The following PCDHAC1 variants were observed in gnomAD, a reference collection of about 807,000 sequenced individuals.
PCDHAC1 encodes protocadherin alpha-C1.
A neutral mutation model predicts 60.0 loss-of-function variants in PCDHAC1; 42 were observed. The ratio of observed to expected loss-of-function variants is 0.70; its 90% CI spans 0.55 to 0.90. The LOEUF is 0.90. Ranked by LOEUF, PCDHAC1 falls within the 40% of genes least tolerant of loss-of-function variation. PCDHAC1 has a pLI of 0.00. For synonymous variants in PCDHAC1, 468 were observed against 499.3 expected (o/e 0.94, Z 0.84); for missense variants, 1,160 against 1,222.3 (o/e 0.95, Z 0.76).
chr5:140,966,166 C>T (rs1159533172), intron 1 of PCDHAC1: 1 of 179,138 alleles, frequency 5.6e-6, no homozygotes, highest in Non-Finnish European at 1.2e-5. Flanking sequence ...GAGATCTTTT[C>T]CTGGGGAGCT....
intron 2 of PCDHAC1, among the ~76,000 whole-genome samples, chr5:140,979,323 T>C (rs2096844622): frequency 6.6e-6 from 1 of 152,180 alleles, no homozygotes; most frequent in Non-Finnish European, 1.5e-5. Context: ...TATGCTTTCT[T>C]TTCCTCCTTT....
chr5:140,993,397 T>C (rs2097553822), intron 3 of PCDHAC1, among the ~76,000 whole-genome samples: 2 of 151,682 alleles, frequency 1.3e-5, no homozygotes, highest in Admixed American at 1.3e-4. Context: ...ACTCCATCAT[T>C]AACCACCTTC....
intron 3 of PCDHAC1, among the ~76,000 whole-genome samples, chr5:140,999,809 CAA>C (rs1350603380): frequency 1.3e-5 from 2 of 152,160 alleles, no homozygotes; most frequent in African/African-American, 2.4e-5. Flanking sequence ...GGGCACAAAG[CAA>C]GAGCTGTGGC....
At chr5:140,974,151 G>A (rs2096617637) in intron 1 of PCDHAC1, among the ~76,000 whole-genome samples, 1 of 152,118 alleles carries the variant, frequency 6.6e-6, no homozygotes, top group Non-Finnish European at 1.5e-5. Context: ...ACTATACAAG[G>A]GTTTTTCTTT....
At chr5:140,973,665 T>C (rs1309458037) in intron 1 of PCDHAC1, among the ~76,000 whole-genome samples, 2 of 152,248 alleles carry the variant, frequency 1.3e-5, no homozygotes, top group Non-Finnish European at 2.9e-5. Context: ...CTATTTATTG[T>C]AGCTTGAATG....
At position 140,926,959 on chromosome 5, in the gene PCDHAC1, G is replaced by C. The variant is rs781794027; in HGVS notation, c.67G>C (p.Glu23Gln). ...VSCGAAAGQL[E>Q]YSVPEETERG... ...CTGCGGCGCTGCAGCGGGACAGCTCGAGTACTCAGTGCCGGAGGAGACGGA... is the reference window on the plus strand; with the variant it reads ...CTGCGGCGCTGCAGCGGGACAGCTCCAGTACTCAGTGCCGGAGGAGACGGA... Residue 23 changes from glutamate (E) to glutamine (Q), a missense_variant, in exon 1 of 4, where the codon GAG becomes CAG. Physicochemically the swap from Glu to Gln is conservative, Grantham distance 29 (BLOSUM62 2). Transcript: ENST00000253807. 1.4e-5 allele frequency: 23 copies of C among 1,603,904 alleles called. No homozygotes were observed. Among genetic ancestry groups the C allele is most frequent in the Non-Finnish European group, 1.9e-5 (22 of 1,173,348 alleles).
At chr5:140,981,665 CCTTT>C (rs1170982670) in intron 2 of PCDHAC1, among the ~76,000 whole-genome samples, 2 of 152,092 alleles carry the variant, frequency 1.3e-5, no homozygotes, top group Non-Finnish European at 2.9e-5. Flanking sequence ...TTTCTTCCTT[CCTTT>C]CTTCCTTCCT....
intron 1 of PCDHAC1, among the ~76,000 whole-genome samples, chr5:140,945,046 A>T (rs2093731107): frequency 6.6e-6 from 1 of 152,192 alleles, no homozygotes; most frequent in Non-Finnish European, 1.5e-5. Flanking sequence ...TTGGTCTTAT[A>T]TAAAGAAAAC....
Position 140,951,565 on chromosome 5 carries a change from T to G in PCDHAC1, c.2433+22240T>G, listed in dbSNP as rs151148481. Among the ~76,000 whole-genome samples the G allele has an allele frequency of 1.4e-3, 220 of 152,132 alleles. 1 individual carries two copies. Among genetic ancestry groups the G allele is most frequent in the African/African-American group, 4.9e-3 (203 of 41,508 alleles). ...GGACGGGGGGAAGTGCTACGCACTT[T>G]TAAACAACCAGATTTCACGAGATCT... On this transcript the variant is annotated intron_variant, in intron 1 of 3. Transcript: ENST00000253807.
At chr5:140,932,323 C>T (rs1259103502) in intron 1 of PCDHAC1, among the ~76,000 whole-genome samples, 1 of 151,814 alleles carries the variant, frequency 6.6e-6, no homozygotes, top group Non-Finnish European at 1.5e-5. Flanking sequence ...ATTAATGTAG[C>T]AAAAATGCAT....
chr5:140,954,025 C>T (rs533473552), intron 1 of PCDHAC1, among the ~76,000 whole-genome samples: 385 of 152,188 alleles, frequency 2.5e-3, no homozygotes, highest in Middle Eastern at 0.014. Context: ...CATAGTGGGA[C>T]GATGTGGTAT....
chr5:140,946,527 G>A (rs1414920308), intron 1 of PCDHAC1, among the ~76,000 whole-genome samples: 1 of 150,718 alleles, frequency 6.6e-6, no homozygotes, highest in Non-Finnish European at 1.5e-5. Flanking sequence ...GCACTCCCAT[G>A]TTCATTGCAG....
chr5:140,977,514 A>G (rs1554238605), intron 1 of PCDHAC1, among the ~76,000 whole-genome samples: 13 of 152,216 alleles, frequency 8.5e-5, no homozygotes. Context: ...CATTTTGTGA[A>G]CTTGAAAACA....
rs1554204607 is a variant in PCDHAC1 at position 140,927,485 on chromosome 5, C to G, written c.593C>G (p.Thr198Ser). The change falls in exon 1 of 4, where the codon ACC becomes AGC. Residue 198 changes from threonine (T) to serine (S), a missense_variant. This residue lies in a region of PCDHAC1 where 1,113 missense variants were observed against 1,163.7 expected (regional missense o/e 0.96). Transcript: ENST00000253807. Reference protein sequence around the residue: ...EKALDREQRATHLLVLTARDG... With the variant: ...EKALDREQRASHLLVLTARDG... ...GCACTGGATCGCGAACAGCGCGCCA[C>G]CCACCTGCTGGTGCTTACAGCTCGG... is the stretch of plus-strand genomic sequence containing the variant. The G allele has an allele frequency of 2.5e-6, 4 of 1,614,098 alleles. No individual in the cohort carries two copies. In the Admixed American group the frequency reaches 6.7e-5, roughly 27 times the overall value.
chr5:140,953,901 A>G (rs1354951706), intron 1 of PCDHAC1, among the ~76,000 whole-genome samples: 1 of 152,156 alleles, frequency 6.6e-6, no homozygotes, highest in Admixed American at 6.5e-5. Flanking sequence ...TATTAAGCCC[A>G]GCATCCATTA....
intron 3 of PCDHAC1, among the ~76,000 whole-genome samples, chr5:140,995,470 T>C (rs543327839): frequency 5.6e-4 from 86 of 152,360 alleles, no homozygotes; most frequent in Middle Eastern, 3.4e-3. Flanking sequence ...TTGAAATTTT[T>C]CATTTAATAT....
intron 3 of PCDHAC1, among the ~76,000 whole-genome samples, chr5:140,993,183 A>C (rs551464442): frequency 2.7e-4 from 41 of 152,298 alleles, no homozygotes; most frequent in Non-Finnish European, 5.0e-4. Flanking sequence ...ATTTCTTTAG[A>C]GGGAAACTCA....
chr5:140,950,749 C>G (rs1202993675), intron 1 of PCDHAC1, among the ~76,000 whole-genome samples: 5 of 152,002 alleles, frequency 3.3e-5, no homozygotes, highest in African/African-American at 4.8e-5. Flanking sequence ...TTCTCTCTAT[C>G]CTTTCTGGAC....
Position 140,929,245 on chromosome 5 carries a change from A to G in PCDHAC1, c.2353A>G (p.Thr785Ala). 1 of 1,613,774 alleles carries G rather than the reference A, an allele frequency of 6.2e-7. No homozygotes were observed. ...TGCTGCCGACCTGCGAAATCTTGCCACTGGGGTAGGACTGAATTTGCCAAT... is the reference window on the plus strand; with the variant it reads ...TGCTGCCGACCTGCGAAATCTTGCCGCTGGGGTAGGACTGAATTTGCCAAT... ...YNAADLRNLA[T>A]GVGLNLPISC... The change falls in exon 1 of 4, where the codon ACT becomes GCT. Residue 785 changes from threonine (T) to alanine (A), a missense_variant. Transcript: ENST00000253807.
Sources: allele counts gnomAD v4.1 joint callset (sites outside exome capture counted in the v4.1 genomes callset), GRCh38; gene constraint gnomAD v4.1.1; regional missense constraint gnomAD v4.1.1; transcripts MANE v1.5; gene names NCBI Gene and HGNC (gene_info 2026-07-23, HGNC 2026-07-21).